FAM169A: variants seen among roughly 807,000 people sequenced by gnomAD.
The protein encoded by FAM169A is family with sequence similarity 169 member A, also known as soluble lamin-associated protein of 75 kDa.
In FAM169A, 24 loss-of-function variants were observed where a neutral mutation model predicts 75.7. That is an observed-to-expected ratio of 0.32 (90% confidence interval 0.23 to 0.45). The LOEUF (loss-of-function observed/expected upper bound fraction) is 0.45, where lower values mean the gene tolerates loss of function less well. FAM169A is among the 20% of genes least tolerant of loss of function. The pLI is 1.00. For missense variants in FAM169A, 673 were observed against 784.0 expected (o/e 0.86, Z 1.69); for synonymous variants, 271 against 271.0 (o/e 1.00, Z 0.00).
intron 8 of FAM169A, among the ~76,000 whole-genome samples, chr5:74,802,303 A>T (rs562044750): frequency 1.3e-5 from 2 of 150,910 alleles, no homozygotes; most frequent in South Asian, 4.2e-4. Flanking sequence ...CATATCCCTC[A>T]TTCTAATCAC....
At chr5:74,783,287 G>A (rs972371632) in intron 11 of FAM169A, among the ~76,000 whole-genome samples, 153 bp from the exon 12 acceptor site, 2 of 152,148 alleles carry the variant, frequency 1.3e-5, no homozygotes, top group African/African-American at 4.8e-5. Context: ...TCTTACTGGG[G>A]GAAGGAGGAA....
chr5:74,821,479 T>C (rs947923172), intron 5 of FAM169A, among the ~76,000 whole-genome samples: 3 of 152,178 alleles, frequency 2.0e-5, no homozygotes, highest in South Asian at 2.1e-4. Context: ...ACTGTCTCCA[T>C]TGAAGACATA....
chr5:74,814,716 G>A (rs1747381671), intron 5 of FAM169A, among the ~76,000 whole-genome samples: 1 of 152,104 alleles, frequency 6.6e-6, no homozygotes, highest in Non-Finnish European at 1.5e-5. Context: ...ATACAGCTAT[G>A]CTGATTTGTC....
At chr5:74,853,509 G>A (rs1481578001) in intron 1 of FAM169A, among the ~76,000 whole-genome samples, 5 of 152,114 alleles carry the variant, frequency 3.3e-5, no homozygotes, top group African/African-American at 1.2e-4. Context: ...CTCCAGAGGG[G>A]TTTAACCTGG....
intron 1 of FAM169A, among the ~76,000 whole-genome samples, chr5:74,844,104 A>T (rs1277779509): frequency 6.6e-6 from 1 of 152,232 alleles, no homozygotes; most frequent in Non-Finnish European, 1.5e-5. Flanking sequence ...AATTAAAAGT[A>T]ACTTAAGAGA....
intron 8 of FAM169A, among the ~76,000 whole-genome samples, chr5:74,802,384 A>AT (rs1307484565): frequency 3.3e-5 from 5 of 151,724 alleles, no homozygotes; most frequent in East Asian, 1.9e-4. Flanking sequence ...CATTTTTTTG[A>AT]TAAAAAAAAA....
chr5:74,796,285 T>G (rs1746270570), intron 10 of FAM169A, 99 bp from the exon 11 acceptor site: 2 of 1,078,600 alleles, frequency 1.9e-6, no homozygotes. Context: ...GAATCAACTA[T>G]GTTGTCAACA....
chr5:74,804,679 C>A, intron 7 of FAM169A, 74 bp from the exon 8 acceptor site: 1 of 818,690 alleles, frequency 1.2e-6, no homozygotes, highest in Non-Finnish European at 1.9e-6. Context: ...TACTGATTTT[C>A]CTAAAAGCTC....
In FAM169A at chr5:74,812,863, T is replaced by C. The variant is rs544938253; in HGVS notation, c.670+977A>G. On this transcript the variant is annotated intron_variant, in intron 6 of 12. Coordinates refer to ENST00000687041, the MANE Select transcript of FAM169A (RefSeq NM_001376049.1). Reference sequence around the variant, plus strand: ...AAAATACACAGATAATAACAAATGTTGGTGAGGATGAAGATGTGGAGAAAT... The same window carrying C: ...AAAATACACAGATAATAACAAATGTCGGTGAGGATGAAGATGTGGAGAAAT... Among the ~76,000 whole-genome samples, 14 of 152,280 alleles carry C rather than the reference T, an allele frequency of 9.2e-5. No homozygotes were observed. In the South Asian group the frequency reaches 2.9e-3, roughly 32 times the overall value.
intron 1 of FAM169A, among the ~76,000 whole-genome samples, chr5:74,852,756 A>G (rs1317216924): frequency 6.6e-6 from 1 of 152,124 alleles, no homozygotes; most frequent in Non-Finnish European, 1.5e-5. Flanking sequence ...ATAGCAGGCC[A>G]AGAATCCCAG....
intron 7 of FAM169A, 26 bp downstream of exon 7, chr5:74,805,130 T>A: frequency 6.2e-7 from 1 of 1,608,282 alleles, no homozygotes; most frequent in Non-Finnish European, 8.5e-7. Context: ...AAACTGAACT[T>A]ATGTTCAAAC....
intron 1 of FAM169A, among the ~76,000 whole-genome samples, chr5:74,846,909 C>T (rs1043303923): frequency 2.6e-5 from 4 of 152,118 alleles, no homozygotes; most frequent in African/African-American, 7.2e-5. Flanking sequence ...CACCCTACTA[C>T]GTCATGGCAG....
chr5:74,810,727 G>C (rs1159735179), intron 6 of FAM169A, among the ~76,000 whole-genome samples: 2 of 127,508 alleles, frequency 1.6e-5, no homozygotes, highest in Admixed American at 8.8e-5. Flanking sequence ...TCCAGAGCCT[G>C]GGTGACACAG....
At chr5:74,791,206 C>T (rs117816801) in intron 11 of FAM169A, among the ~76,000 whole-genome samples, 2,069 of 152,302 alleles carry the variant, frequency 0.014, 14 homozygotes, top group East Asian at 0.022. Context: ...GGTGATAATA[C>T]TTAGCAGGGC....
At chr5:74,799,788 G>C (rs1746466791) in intron 10 of FAM169A, 1 of 1,110,688 alleles carries the variant, frequency 9.0e-7, no homozygotes, top group Non-Finnish European at 1.4e-6. Flanking sequence ...TGCTGGCCAT[G>C]ACTGCTGACC....
At chr5:74,805,584 G>A (rs1474184110) in intron 6 of FAM169A, among the ~76,000 whole-genome samples, 4 of 122,200 alleles carry the variant, frequency 3.3e-5, no homozygotes, top group Non-Finnish European at 6.3e-5. Context: ...AGGCTGGAAT[G>A]CAGTGGCGCG....
intron 1 of FAM169A, among the ~76,000 whole-genome samples, chr5:74,857,231 A>C (rs1449963101): frequency 6.6e-6 from 1 of 151,958 alleles, no homozygotes; most frequent in African/African-American, 2.4e-5. Flanking sequence ...TGGGAGAAAT[A>C]ATTCTCACTG....
intron 1 of FAM169A, among the ~76,000 whole-genome samples, chr5:74,859,740 G>C (rs747191148): frequency 7.6e-4 from 116 of 152,238 alleles, no homozygotes; most frequent in Non-Finnish European, 1.1e-3. Flanking sequence ...TACCTCAGCT[G>C]AGCATGGTAG....
chr5:74,795,696 T>C (rs1746235887), intron 11 of FAM169A, among the ~76,000 whole-genome samples: 1 of 152,200 alleles, frequency 6.6e-6, no homozygotes, highest in South Asian at 2.1e-4. Context: ...TTCTATAAGG[T>C]AGATCTTATA....
Sources: gnomAD v4.1 joint callset for allele counts (sites outside exome capture counted in the v4.1 genomes callset) on GRCh38, gnomAD v4.1.1 for gene constraint, MANE v1.5 for transcripts, NCBI Gene and HGNC (gene_info 2026-07-23, HGNC 2026-07-21) for gene names.